The following HDAC7 variants were observed in gnomAD, a reference collection of about 807,000 sequenced individuals.
HDAC7 encodes histone deacetylase 7, also known as histone deacetylase 7A.
A neutral mutation model predicts 115.5 loss-of-function variants in HDAC7; 26 were observed. The ratio of observed to expected loss-of-function variants is 0.23; its 90% CI spans 0.16 to 0.31. The LOEUF is 0.31. HDAC7 is among the 10% of genes least tolerant of loss of function. The probability of loss-of-function intolerance (pLI) is 1.00; values close to 1 mark genes in which losing one functional copy is unlikely to be tolerated. For missense variants in HDAC7, 1,068 were observed against 1,329.0 expected (o/e 0.80, Z 3.05); for synonymous variants, 564 against 550.9 (o/e 1.02, Z -0.33).
chr12:47,788,790 C>G (rs1943312981), intron 19 of HDAC7: 1 of 158,240 alleles, frequency 6.3e-6, no homozygotes, highest in African/African-American at 2.4e-5. Flanking sequence ...CATCTCATGA[C>G]TTACGAATGA....
At position 47,785,487 on chromosome 12, in the gene HDAC7, C is replaced by T. The variant is rs1329256644; in HGVS notation, c.2707-16G>A. ...GGGGATCCACCTATAGAAAACAGTA[C>T]ATCAGCCACCAGTCTCTCAGGGACC... On this transcript the variant is annotated splice_polypyrimidine_tract_variant and intron_variant, in intron 23 of 25. Transcript: ENST00000080059. 1 of 1,600,196 alleles carries T rather than the reference C, an allele frequency of 6.2e-7. No individual in the cohort carries two copies. Among genetic ancestry groups the T allele is most frequent in the Non-Finnish European group, 8.5e-7 (1 of 1,172,490 alleles).
chr12:47,794,176 A>T (rs1293270433), intron 12 of HDAC7, among the ~76,000 whole-genome samples: 1 of 152,176 alleles, frequency 6.6e-6, no homozygotes, highest in Non-Finnish European at 1.5e-5. Flanking sequence ...GAAGAAGATG[A>T]CCATCCACAA....
chr12:47,785,750 A>G lies in HDAC7; in HGVS notation c.2706+2T>C. The G allele has an allele frequency of 6.2e-7, 1 of 1,603,470 alleles. No individual in the cohort carries two copies. Among genetic ancestry groups the G allele is most frequent in the East Asian group, 2.2e-5 (1 of 44,522 alleles). ...CATGGATGGGGGAGGGAGACGGCTC[A>G]CCCTGTTACCCAGAAGAGCAGCCAC... On this transcript the variant is annotated splice_donor_variant, in intron 23 of 25. Transcript: ENST00000080059. LOFTEE classifies it high-confidence loss of function.
intron 1 of HDAC7, among the ~76,000 whole-genome samples, chr12:47,818,230 A>G (rs7959280): frequency 0.37 from 56,259 of 151,944 alleles, 11,048 homozygotes; most frequent in African/African-American, 0.5. Context: ...CTGCACCAGG[A>G]CCATTCCAGG....
rs189066529 is a variant in HDAC7 at position 47,791,394 on chromosome 12, G to A, written c.1934-86C>T. 559 of 1,417,972 alleles carry A rather than the reference G, an allele frequency of 3.9e-4. 5 individuals are homozygous for A. The East Asian group carries it at 8.0e-3, about 20-fold the overall frequency. 87.8% of individuals were successfully genotyped at this position (1,417,972 alleles called of 1,614,324 possible). ...AGCAGGGAGCCCAGAGAGCAGGGCCGGGTGAGTATTGGGGGAGAGAAATAT... is the reference window on the plus strand; with the variant it reads ...AGCAGGGAGCCCAGAGAGCAGGGCCAGGTGAGTATTGGGGGAGAGAAATAT... On this transcript the variant is annotated intron_variant, in intron 15 of 25. Transcript: ENST00000080059.
chr12:47,821,220 C>T (rs1055409877), upstream of HDAC7, among the ~76,000 whole-genome samples: 1 of 152,182 alleles, frequency 6.6e-6, no homozygotes, highest in Non-Finnish European at 1.5e-5. Flanking sequence ...AAGCAAGAGC[C>T]CACAGTGGCC....
In HDAC7 at chr12:47,811,087, T is replaced by C. The variant is rs572022642; in HGVS notation, c.19+8680A>G. Among the ~76,000 whole-genome samples the C allele has an allele frequency of 7.2e-5, 11 of 152,210 alleles. No homozygotes were observed. The South Asian group carries it at 2.1e-3, about 29-fold the overall frequency. On this transcript the variant is annotated intron_variant, in intron 1 of 25. Transcript: ENST00000080059. ...CGAACTGAGGCATCTCGGATGTGAA[T>C]AGCCACAAGCTGTGAATCCTGACAC...
At chr12:47,789,489 AC>A (rs748689356) in intron 18 of HDAC7, 33 bp downstream of exon 18, 10 of 1,610,664 alleles carry the variant, frequency 6.2e-6, no homozygotes, top group Non-Finnish European at 8.5e-6. Context: ...CTTGCCCCCC[AC>A]CTCATCCCAC....
In HDAC7 at chr12:47,793,782, T is replaced by C. The variant is rs1943660106; in HGVS notation, c.1459-194A>G. Among the ~76,000 whole-genome samples, 1 of 152,176 alleles carries C rather than the reference T, an allele frequency of 6.6e-6. No individual in the cohort carries two copies. The highest frequency in any genetic ancestry group is 1.5e-5 in the Non-Finnish European group (1 of 68,024). ...GTCCCCTGCAGCCCCCTGACAGGTTTGCACCCCAGACTGACCACCCATTCC... is the reference window on the plus strand; with the variant it reads ...GTCCCCTGCAGCCCCCTGACAGGTTCGCACCCCAGACTGACCACCCATTCC... On this transcript the variant is annotated intron_variant, in intron 12 of 25. Coordinates refer to ENST00000080059, the MANE Select transcript of HDAC7 (RefSeq NM_015401.5). The surrounding 1 kb of genome is among the most constrained non-coding windows in gnomAD (Gnocchi z 4.5).
chr12:47,816,042 C>T (rs1468468804), intron 1 of HDAC7, among the ~76,000 whole-genome samples: 3 of 152,042 alleles, frequency 2.0e-5, no homozygotes, highest in South Asian at 2.1e-4. Flanking sequence ...CAGGCGCGCA[C>T]GCCACACCTG....
chr12:47,788,120 G>A lies in HDAC7; in HGVS notation c.2280C>T (p.Asp760=). 1 of 1,613,528 alleles carries A rather than the reference G, an allele frequency of 6.2e-7. No individual in the cohort carries two copies. Among genetic ancestry groups the A allele is most frequent in the East Asian group, 2.2e-5 (1 of 44,884 alleles). Residue 760 remains aspartate, a synonymous_variant, in exon 20 of 26, where the codon GAC becomes GAT. Coordinates refer to ENST00000080059, the MANE Select transcript of HDAC7 (RefSeq NM_015401.5). ...GNGTQQTFYQ[D]PSVLYISLHR... ...GCAGGGAGATGTAGAGCACACTGGG[G>A]TCTTGGTAGAAGGTTTGCTGGGTGC... is the stretch of plus-strand genomic sequence containing the variant.
At position 47,818,515 on chromosome 12, in the gene HDAC7, AGCGTCTCATTGGAGGGCAGGGACCT is replaced by A. The variant is rs1334825539; in HGVS notation, c.19+1227_19+1251del. On this transcript the variant is annotated intron_variant, in intron 1 of 25. Transcript: ENST00000080059. Reference sequence around the variant, plus strand: ...CCTGGGAGGGGGAAAGGGCCGCCAAAGCGTCTCATTGGAGGGCAGGGACCTGAGTCACAGTCTCCTGCCAGCCCTA... The same window carrying A: ...CCTGGGAGGGGGAAAGGGCCGCCAAAGAGTCACAGTCTCCTGCCAGCCCTA... Among the ~76,000 whole-genome samples the A allele has an allele frequency of 2.6e-5, 4 of 152,314 alleles. No homozygotes were observed. The East Asian group carries it at 7.7e-4, about 29-fold the overall frequency.
chr12:47,795,132 A>G lies in HDAC7; in HGVS notation c.1284+52T>C. On this transcript the variant is annotated intron_variant, in intron 11 of 25. Transcript: ENST00000080059. This position sits in a 1 kb window ranked among gnomAD's most constrained non-coding sequence, Gnocchi z 4.3. ...AAGTACCCCTCTTCTTTTGGCCCCT[A>G]AGTCCCCAGTTAAACACTCCCTCAA... 1 of 1,472,776 alleles carries G rather than the reference A, an allele frequency of 6.8e-7. No individual in the cohort carries two copies. The highest frequency in any genetic ancestry group is 1.8e-4 in the Middle Eastern group (1 of 5,644). 91.2% of individuals were successfully genotyped at this position (1,472,776 alleles called of 1,614,324 possible). A position where few individuals can be genotyped will look rare whatever the true frequency, so the allele number is the denominator to read the frequency against.
intron 18 of HDAC7, 55 bp downstream of exon 18, chr12:47,789,468 G>C: frequency 6.3e-7 from 1 of 1,598,316 alleles, no homozygotes; most frequent in Non-Finnish European, 8.6e-7. Flanking sequence ...CCTGAAGGAA[G>C]TTCCTGGGGG....
intron 1 of HDAC7, among the ~76,000 whole-genome samples, chr12:47,818,470 A>C (rs941578159): frequency 6.6e-6 from 1 of 152,214 alleles, no homozygotes; most frequent in Admixed American, 6.5e-5. Context: ...GGGTAGCGGC[A>C]GCCTAGCAGC....
At chr12:47,814,422 TC>T (rs999638364) in intron 1 of HDAC7, among the ~76,000 whole-genome samples, 2 of 152,152 alleles carry the variant, frequency 1.3e-5, no homozygotes, top group Non-Finnish European at 1.5e-5. Context: ...GCACAGTAGT[TC>T]CCCAACTGGG....
At position 47,797,280 on chromosome 12, in the gene HDAC7, C is replaced by T; in HGVS notation, c.577+104G>A. On this transcript the variant is annotated intron_variant, in intron 6 of 25. Transcript: ENST00000080059. This position sits in a 1 kb window ranked among gnomAD's most constrained non-coding sequence, Gnocchi z 5.5. ...AAGAAGATCCTAGCCTACCGATGATCTCCTGGCCCAGCCCAGCCCGCCCAC... is the reference window on the plus strand; with the variant it reads ...AAGAAGATCCTAGCCTACCGATGATTTCCTGGCCCAGCCCAGCCCGCCCAC... 1 of 1,544,016 alleles carries T rather than the reference C, an allele frequency of 6.5e-7. No individual in the cohort carries two copies. The highest frequency in any genetic ancestry group is 8.9e-7 in the Non-Finnish European group (1 of 1,125,586).
At position 47,803,408 on chromosome 12, in the gene HDAC7, G is replaced by A. The variant is rs1944256756; in HGVS notation, c.20-1134C>T. Among the ~76,000 whole-genome samples the A allele has an allele frequency of 6.6e-6, 1 of 152,188 alleles. No homozygotes were observed. The highest frequency in any genetic ancestry group is 2.4e-5 in the African/African-American group (1 of 41,430). Reference sequence around the variant, plus strand: ...GAGAAATGAGAACTTCCTGCAGGCAGGCGCTGCTGGGGGAGGGGGCAGCCT... The same window carrying A: ...GAGAAATGAGAACTTCCTGCAGGCAAGCGCTGCTGGGGGAGGGGGCAGCCT... On this transcript the variant is annotated intron_variant, in intron 1 of 25. Coordinates refer to ENST00000080059, the MANE Select transcript of HDAC7 (RefSeq NM_015401.5). This position sits in a 1 kb window ranked among gnomAD's most constrained non-coding sequence, Gnocchi z 4.0.
chr12:47,805,685 C>G (rs1944368807), intron 1 of HDAC7, among the ~76,000 whole-genome samples: 1 of 152,232 alleles, frequency 6.6e-6, no homozygotes, highest in African/African-American at 2.4e-5. Flanking sequence ...CACAGAGGAT[C>G]TGCTCCTCTT....
Sources: gnomAD v4.1 joint callset for allele counts (sites outside exome capture counted in the v4.1 genomes callset) on GRCh38, gnomAD v4.1.1 for gene constraint, Gnocchi (gnomAD v3.1) non-coding constraint, MANE v1.5 for transcripts, NCBI Gene and HGNC (gene_info 2026-07-23, HGNC 2026-07-21) for gene names.